Variants in GALNT10 observed in about 807,000 individuals in gnomAD.
The protein encoded by GALNT10 is polypeptide N-acetylgalactosaminyltransferase 10.
Under a neutral mutation model 75.0 loss-of-function variants are expected in GALNT10, and 41 were observed. The observed-to-expected ratio is 0.55, with a 90% CI of 0.43 to 0.71. The LOEUF is 0.71. Among genes scored for constraint, GALNT10 ranks in the 30% least tolerant of loss-of-function variants. GALNT10 has a pLI of 0.00. For synonymous variants in GALNT10, 302 were observed against 313.0 expected (o/e 0.96, Z 0.37); for missense variants, 727 against 818.5 (o/e 0.89, Z 1.36).
At chr5:154,288,285 T>C (rs968111025) in intron 1 of GALNT10, among the ~76,000 whole-genome samples, 2 of 152,200 alleles carry the variant, frequency 1.3e-5, no homozygotes, top group African/African-American at 2.4e-5. Context: ...GATTAGAGTA[T>C]GCACTTTAAC....
chr5:154,270,385 A>C (rs941414197), intron 1 of GALNT10, among the ~76,000 whole-genome samples: 1 of 151,420 alleles, frequency 6.6e-6, no homozygotes, highest in African/African-American at 2.4e-5. Context: ...CATTCTGCTT[A>C]AGAACAAGGG....
intron 1 of GALNT10, among the ~76,000 whole-genome samples, chr5:154,238,261 C>A (rs547261705): frequency 9.3e-4 from 141 of 151,144 alleles, no homozygotes; most frequent in Non-Finnish European, 1.4e-3. Context: ...TTTCTTAATG[C>A]CCTCTATTTC....
intron 4 of GALNT10, among the ~76,000 whole-genome samples, chr5:154,336,784 A>G (rs963153016): frequency 6.6e-6 from 1 of 152,196 alleles, no homozygotes; most frequent in African/African-American, 2.4e-5. Context: ...AACATGTAAT[A>G]AAAAGAACTC....
Position 154,386,373 on chromosome 5 carries a change from C to G in GALNT10, c.999C>G (p.Gly333=), listed in dbSNP as rs1055201700. The G allele has an allele frequency of 5.0e-6, 8 of 1,613,810 alleles. No individual in the cohort carries two copies. In the African/African-American group the frequency reaches 9.4e-5, roughly 19 times the overall value. The part of the protein sequence containing the change: ...AVDRKWFWEL[G]GYDPGLEIWG... ...ATCGGAAGTGGTTCTGGGAACTCGG[C>G]GGGTATGACCCAGGCTTGGAGATCT... The change falls in exon 7 of 12, where the codon GGC becomes GGG. Residue 333 remains glycine (G), a synonymous_variant. Coordinates refer to ENST00000297107, the MANE Select transcript of GALNT10 (RefSeq NM_198321.4).
intron 3 of GALNT10, among the ~76,000 whole-genome samples, chr5:154,327,521 A>G (rs1305859010): frequency 6.6e-6 from 1 of 152,244 alleles, no homozygotes. Flanking sequence ...TTGGCTAAAG[A>G]TGGGTTTATT....
intron 3 of GALNT10, among the ~76,000 whole-genome samples, chr5:154,327,186 A>C (rs971484270): frequency 6.6e-6 from 1 of 151,536 alleles, no homozygotes; most frequent in South Asian, 2.1e-4. Flanking sequence ...ACTGCACTCC[A>C]GCCTGGGTGA....
In GALNT10 at chr5:154,409,610, T is replaced by A; in HGVS notation, c.1234T>A (p.Tyr412Asn). 1 of 1,613,890 alleles carries A rather than the reference T, an allele frequency of 6.2e-7. No homozygotes were observed. Among genetic ancestry groups the A allele is most frequent in the Non-Finnish European group, 8.5e-7 (1 of 1,179,776 alleles). ...GTACATTTACCAGCGCCGGCCTGAATACCGCCACCTCTCCGCTGGGGATGT... is the reference window on the plus strand; with the variant it reads ...GTACATTTACCAGCGCCGGCCTGAAAACCGCCACCTCTCCGCTGGGGATGT... ...AEYIYQRRPE[Y>N]RHLSAGDVAV... The change falls in exon 9 of 12, where the codon TAC (tyrosine) becomes AAC (asparagine). Residue 412 changes from tyrosine (Y) to asparagine (N), a missense_variant. Physicochemically the swap from Tyr to Asn is moderately radical, Grantham distance 143 (BLOSUM62 -2). Coordinates refer to ENST00000297107, the MANE Select transcript of GALNT10 (RefSeq NM_198321.4). The surrounding 1 kb of genome is among the most constrained non-coding windows in gnomAD (Gnocchi z 4.5).
intron 7 of GALNT10, among the ~76,000 whole-genome samples, chr5:154,400,248 T>C (rs1304849448): frequency 6.6e-6 from 1 of 152,026 alleles, no homozygotes; most frequent in Admixed American, 6.6e-5. Flanking sequence ...TGCTTCCAGG[T>C]GCTCAAACAG....
At chr5:154,388,721 T>G (rs1755844943) in intron 7 of GALNT10, 1 of 151,034 alleles carries the variant, frequency 6.6e-6, no homozygotes, top group Non-Finnish European at 1.5e-5. Context: ...TCTGGTATTA[T>G]TCCTAGTTTA....
At chr5:154,211,524 C>A (rs1775197801) in intron 1 of GALNT10, among the ~76,000 whole-genome samples, 1 of 152,208 alleles carries the variant, frequency 6.6e-6, no homozygotes, top group African/African-American at 2.4e-5. Flanking sequence ...TGCTGTTAAA[C>A]TCACCATGCA....
Position 154,376,477 on chromosome 5 carries a change from C to G in GALNT10, c.754+15C>G. The G allele has an allele frequency of 6.4e-7, 1 of 1,560,270 alleles. No homozygotes were observed. The highest frequency in any genetic ancestry group is 1.2e-5 in the South Asian group (1 of 82,384). On this transcript the variant is annotated intron_variant, in intron 5 of 11. Transcript: ENST00000297107. The surrounding 1 kb of genome is among the most constrained non-coding windows in gnomAD (Gnocchi z 4.1). ...CCCCTTGCTTGGTAAGGGAGCCCCT[C>G]CCACTTGGAGGGAGGCAAACTGCAA... is the stretch of plus-strand genomic sequence containing the variant.
Position 154,309,760 on chromosome 5 carries a change from G to A in GALNT10, c.401+11681G>A, listed in dbSNP as rs571234466. ...GAAGAGCAATTTTGGGGAAAATCACGATTTTGATTGCAGACAAGTTTGCGA... is the reference window on the plus strand; with the variant it reads ...GAAGAGCAATTTTGGGGAAAATCACAATTTTGATTGCAGACAAGTTTGCGA... On this transcript the variant is annotated intron_variant, in intron 3 of 11. Transcript: ENST00000297107. Among the ~76,000 whole-genome samples, 15 of 152,308 alleles carry A rather than the reference G, an allele frequency of 9.8e-5. No homozygotes were observed. In the East Asian group the frequency reaches 2.1e-3, roughly 22 times the overall value.
intron 3 of GALNT10, among the ~76,000 whole-genome samples, chr5:154,321,494 T>G (rs1175963934): frequency 1.3e-5 from 2 of 151,856 alleles, no homozygotes; most frequent in African/African-American, 2.4e-5. Context: ...TGTTAGTTTG[T>G]TTTTTTTATT....
intron 1 of GALNT10, among the ~76,000 whole-genome samples, chr5:154,293,445 G>A (rs979219333): frequency 6.6e-6 from 1 of 151,976 alleles, no homozygotes; most frequent in East Asian, 1.9e-4. Flanking sequence ...AAAGTATCAG[G>A]TTCCTTCTGC....
intron 4 of GALNT10, among the ~76,000 whole-genome samples, chr5:154,340,618 G>A (rs1275081732): frequency 2.0e-5 from 3 of 152,114 alleles, no homozygotes; most frequent in Non-Finnish European, 2.9e-5. Flanking sequence ...CAAAAAGTAG[G>A]CATTAGTTCT....
chr5:154,308,596 G>A (rs9324773), intron 3 of GALNT10, among the ~76,000 whole-genome samples: 1,995 of 152,230 alleles, frequency 0.013, 39 homozygotes, highest in African/African-American at 0.046. Flanking sequence ...CTGTGCTCTC[G>A]GGCTCCTGCT....
chr5:154,310,038 T>C (rs1487784621), intron 3 of GALNT10, among the ~76,000 whole-genome samples: 2 of 152,214 alleles, frequency 1.3e-5, no homozygotes, highest in African/African-American at 4.8e-5. Flanking sequence ...GCGTTCAGGT[T>C]ATGGCGAGAG....
chr5:154,227,277 A>T (rs781748951), intron 1 of GALNT10, among the ~76,000 whole-genome samples: 1 of 152,252 alleles, frequency 6.6e-6, no homozygotes, highest in African/African-American at 2.4e-5. Context: ...GCAGCAGTAT[A>T]TGAGAATTTC....
chr5:154,215,351 T>C (rs1199764862), intron 1 of GALNT10, among the ~76,000 whole-genome samples: 1 of 152,110 alleles, frequency 6.6e-6, no homozygotes, highest in Non-Finnish European at 1.5e-5. Context: ...GGTGTGGTGG[T>C]GAGCACCTGT....
Sources: gnomAD v4.1 joint callset for allele counts (sites outside exome capture counted in the v4.1 genomes callset) on GRCh38, gnomAD v4.1.1 for gene constraint, Gnocchi (gnomAD v3.1) non-coding constraint, MANE v1.5 for transcripts, NCBI Gene and HGNC (gene_info 2026-07-23, HGNC 2026-07-21) for gene names.